The following DST variants were observed in gnomAD, a reference collection of about 807,000 sequenced individuals.
DST encodes dystonin.
DST carries 253 observed loss-of-function variants against 875.2 expected under a neutral mutation model. The ratio of observed to expected loss-of-function variants is 0.29; its 90% CI spans 0.26 to 0.32. The LOEUF (loss-of-function observed/expected upper bound fraction) is 0.32. Among genes scored for constraint, DST ranks in the 10% least tolerant of loss-of-function variants. The probability of loss-of-function intolerance (pLI) is 1.00; values close to 1 mark genes in which losing one functional copy is unlikely to be tolerated. For missense variants in DST, 8,287 were observed against 9,111.6 expected (o/e 0.91, Z 3.68); for synonymous variants, 3,124 against 3,197.1 (o/e 0.98, Z 0.77).
At chr6:56,550,598 C>T (rs890246310) in intron 61 of DST, among the ~76,000 whole-genome samples, 3 of 152,098 alleles carry the variant, frequency 2.0e-5, no homozygotes, top group South Asian at 2.1e-4. Flanking sequence ...GGGAGACACC[C>T]GCAAATAGCA....
chr6:56,553,651 A>C lies in DST; in HGVS notation c.15141T>G (p.Asn5047Lys), dbSNP rs1357908800. 1.2e-6 allele frequency: 2 copies of C among 1,608,038 alleles called. No individual in the cohort carries two copies. Among genetic ancestry groups the C allele is most frequent in the African/African-American group, 2.7e-5 (2 of 74,686 alleles). ...AGGCCGACTGAAGGTGCTGGACATGATTCTCTAGAAATAAAATTACAAGAT... is the reference window on the plus strand; with the variant it reads ...AGGCCGACTGAAGGTGCTGGACATGCTTCTCTAGAAATAAAATTACAAGAT... ...SFKDVEQKAE[N>K]HVQHLQSACA... The change falls in exon 61 of 104, where the codon AAT (asparagine) becomes AAG (lysine). Residue 5047 changes from asparagine (N) to lysine (K), a missense_variant. Physicochemically the swap from Asn to Lys is moderately conservative, Grantham distance 94 (BLOSUM62 0). This residue lies in a region of DST where 1,513 missense variants were observed against 1,677.8 expected (regional missense o/e 0.90). Transcript: ENST00000680361.
Position 56,482,685 on chromosome 6 carries a change from G to C in DST, c.21400C>G (p.Gln7134Glu), listed in dbSNP as rs2095440603. 1 of 1,611,498 alleles carries C rather than the reference G, an allele frequency of 6.2e-7. No individual in the cohort carries two copies. The highest frequency in any genetic ancestry group is 2.2e-5 in the East Asian group (1 of 44,804). ...KQTRLEAALR[Q>E]AEEFHSVVHA... is the part of the protein sequence containing the mutation. ...GCTCTCATTTACATGGTTTTTACCT[G>C]ACGCAGGGCTGCTTCTAACCGTGTT... Residue 7134 changes from glutamine to glutamate, a missense_variant and splice_region_variant, in exon 89 of 104, where the codon CAG becomes GAG. Transcript: ENST00000680361.
intron 50 of DST, 89 bp from the exon 51 acceptor site, chr6:56,573,976 C>T (rs1247078216): frequency 4.4e-6 from 4 of 911,664 alleles, no homozygotes; most frequent in Non-Finnish European, 6.4e-6. Context: ...CATACAATTT[C>T]CACACAAAAA....
At chr6:56,753,427 C>G (rs2099593823) in intron 4 of DST, among the ~76,000 whole-genome samples, 1 of 152,164 alleles carries the variant, frequency 6.6e-6, no homozygotes, top group Non-Finnish European at 1.5e-5. Context: ...ACTCTATTGG[C>G]TAAAGCAACA....
intron 63 of DST, 106 bp downstream of exon 63, chr6:56,535,016 C>T: frequency 1.5e-6 from 2 of 1,295,214 alleles, no homozygotes; most frequent in South Asian, 1.4e-5. Flanking sequence ...GCAGCAACAA[C>T]CGGTTAACTA....
chr6:56,473,766 G>T lies in DST; in HGVS notation c.21994+107C>A, dbSNP rs2273972. On this transcript the variant is annotated intron_variant, in intron 93 of 103. Coordinates refer to ENST00000680361, the MANE Select transcript of DST (RefSeq NM_001374736.1). Reference sequence around the variant, plus strand: ...TCTAGAAAGTATTTCATGATATCAAGTGCTCATGTAAAATCACCAATTGCC... The same window carrying T: ...TCTAGAAAGTATTTCATGATATCAATTGCTCATGTAAAATCACCAATTGCC... 260,076 of 994,912 alleles carry T rather than the reference G, an allele frequency of 0.26. 35,602 individuals are homozygous for T. Among genetic ancestry groups the T allele is most frequent in the Middle Eastern group, 0.39 (1,327 of 3,412 alleles). The allele number at this position is 994,912 out of a possible 1,614,324, so 61.6% of individuals were successfully genotyped here.
chr6:56,586,890 C>T (rs937551021), intron 49 of DST, among the ~76,000 whole-genome samples: 6 of 152,116 alleles, frequency 3.9e-5, no homozygotes, highest in African/African-American at 1.4e-4. Flanking sequence ...GAAAGGACAT[C>T]CACACCAAAA....
rs747211113 is a variant in DST, at chr6:56,517,279, G to A, written c.18276C>T (p.His6092=). 2 of 1,612,740 alleles carry A rather than the reference G, an allele frequency of 1.2e-6. No homozygotes were observed. The highest frequency in any genetic ancestry group is 1.7e-6 in the Non-Finnish European group (2 of 1,179,472). ...QKTFTMEILR[H]KDIIDDLVKS... is the part of the protein sequence containing the mutation. ...TAACAAGGTCATCAATAATATCCTTGTGTCTCAAAATCTCCATGGTGAATG... is the reference window on the plus strand; with the variant it reads ...TAACAAGGTCATCAATAATATCCTTATGTCTCAAAATCTCCATGGTGAATG... Residue 6092 remains histidine (H), a synonymous_variant, in exon 71 of 104, where the codon CAC becomes CAT. Coordinates refer to ENST00000680361, the MANE Select transcript of DST (RefSeq NM_001374736.1).
chr6:56,616,788 C>T (rs2098629424), intron 36 of DST: 2 of 1,614,066 alleles, frequency 1.2e-6, no homozygotes, highest in Admixed American at 1.7e-5. Context: ...GCTTGAAACA[C>T]TGACAATGTC....
In DST at chr6:56,511,395, C is replaced by G. The variant is rs1029592816; in HGVS notation, c.18582G>C (p.Leu6194=). The G allele has an allele frequency of 6.3e-7, 1 of 1,599,416 alleles. No homozygotes were observed. Among genetic ancestry groups the G allele is most frequent in the African/African-American group, 1.3e-5 (1 of 74,742 alleles). Residue 6194 remains leucine (L), a synonymous_variant, in exon 73 of 104, where the codon CTG becomes CTC. Transcript: ENST00000680361. ...LRQQQEEHRQ[L]RELIAEHKPH... ...GCTTGTGTTCAGCTATCAACTCACG[C>G]AGTTGCTATAACAAACCAAACAGCT...
intron 4 of DST, among the ~76,000 whole-genome samples, chr6:56,758,928 T>C (rs955645855): frequency 6.6e-5 from 10 of 152,088 alleles, no homozygotes; most frequent in African/African-American, 9.6e-5. Context: ...GAGTGCACAA[T>C]GGGAAAAGCA....
chr6:56,578,252 T>C (rs572264791), intron 50 of DST, among the ~76,000 whole-genome samples: 291 of 152,288 alleles, frequency 1.9e-3, no homozygotes, highest in Non-Finnish European at 2.7e-3. Flanking sequence ...AGCATTCCTG[T>C]AGTCCTTACT....
At chr6:56,710,322 A>G (rs1009910184) in intron 5 of DST, among the ~76,000 whole-genome samples, 4 of 152,220 alleles carry the variant, frequency 2.6e-5, no homozygotes, top group Non-Finnish European at 5.9e-5. Context: ...CCGCTCTTAA[A>G]GAAGTTCTAT....
Position 56,953,831 on chromosome 6 carries a change from A to AGAGATAAAT in DST, c.182-21_182-13dup. ...TCTCAAAACAGCATCTGGGGAGAAA[A>AGAGATAAAT]GAGATAAATGAGACTTCATTTAACT... On this transcript the variant is annotated splice_polypyrimidine_tract_variant and intron_variant, in intron 1 of 103. Transcript: ENST00000680361. The AGAGATAAAT allele has an allele frequency of 7.6e-7, 1 of 1,311,376 alleles. No individual in the cohort carries two copies. The highest frequency in any genetic ancestry group is 1.2e-5 in the South Asian group (1 of 81,228). The allele number at this position is 1,311,376 out of a possible 1,614,324, so 81.2% of individuals were successfully genotyped here. A position where few individuals can be genotyped will look rare whatever the true frequency, so the allele number is the denominator to read the frequency against.
intron 4 of DST, among the ~76,000 whole-genome samples, chr6:56,817,179 A>G (rs2099767553): frequency 6.6e-6 from 1 of 152,166 alleles, no homozygotes; most frequent in Non-Finnish European, 1.5e-5. Flanking sequence ...AAAAAAACTA[A>G]CAAGGACTAC....
At chr6:56,540,227 T>C (rs1205546913) in intron 61 of DST, 1 of 152,662 alleles carries the variant, frequency 6.6e-6, no homozygotes, top group African/African-American at 2.4e-5. Flanking sequence ...CACAAACTTT[T>C]AGCAGAACCG....
chr6:56,639,608 T>A lies in DST; in HGVS notation c.2701A>T (p.Thr901Ser). 8 of 1,613,842 alleles carry A rather than the reference T, an allele frequency of 5.0e-6. No individual in the cohort carries two copies. Among genetic ancestry groups the A allele is most frequent in the Non-Finnish European group, 5.9e-6 (7 of 1,179,872 alleles). The change falls in exon 21 of 104, where the codon ACA becomes TCA. Residue 901 changes from threonine to serine, a missense_variant. By Grantham distance (58) the Thr-to-Ser change is moderately conservative. Transcript: ENST00000680361. Reference sequence around the variant, plus strand: ...AGGTGCCGTTCTTGATTCCTGGATGTATTCTTTAGTAAGGAAAATCATCAT... The same window carrying A: ...AGGTGCCGTTCTTGATTCCTGGATGAATTCTTTAGTAAGGAAAATCATCAT... ...LESQYAKLLNTSRNQERHLDT... is the reference protein window; with the variant it reads ...LESQYAKLLNSSRNQERHLDT...
chr6:56,604,282 A>G lies in DST; in HGVS notation c.10346T>C (p.Leu3449Ser), dbSNP rs1246402812. The G allele has an allele frequency of 5.0e-6, 8 of 1,612,058 alleles. No homozygotes were observed. In the South Asian group the frequency reaches 5.5e-5, roughly 11 times the overall value. ...TTTTTGGCTATGTTGATCTTGCTTC[A>G]ATATATTAAGGAGAAGCTCAGACTT... ...NLKSELLLNI[L>S]KQDQHSQKIT... The change falls in exon 40 of 104, where the codon TTG becomes TCG. Residue 3449 changes from leucine (L) to serine (S), a missense_variant. By Grantham distance (145) the Leu-to-Ser change is moderately radical. This residue lies in a region of DST where 3,138 missense variants were observed against 3,116.6 expected (regional missense o/e 1.01). Coordinates refer to ENST00000680361, the MANE Select transcript of DST (RefSeq NM_001374736.1).
At chr6:56,843,477 C>A in intron 4 of DST, 1 of 995,084 alleles carries the variant, frequency 1.0e-6, no homozygotes, top group Non-Finnish European at 1.2e-6. Context: ...AGGAGCGGGG[C>A]GTGCGGCGAG....
Sources: allele counts gnomAD v4.1 joint callset (sites outside exome capture counted in the v4.1 genomes callset), GRCh38; gene constraint gnomAD v4.1.1; regional missense constraint gnomAD v4.1.1; transcripts MANE v1.5; gene names NCBI Gene and HGNC (gene_info 2026-07-23, HGNC 2026-07-21).